Variants in LUZP2 observed in about 807,000 individuals in gnomAD.
The protein encoded by LUZP2 is leucine zipper protein 2.
LUZP2 carries 52 observed loss-of-function variants against 51.6 expected under a neutral mutation model. The ratio of observed to expected loss-of-function variants is 1.01; its 90% CI spans 0.81 to 1.27. LUZP2 has a LOEUF of 1.27. LUZP2 is among the 50% of genes most tolerant of loss of function. The pLI, the probability that LUZP2 is intolerant of heterozygous loss-of-function variation, is 0.00. For missense variants in LUZP2, 436 were observed against 395.4 expected (o/e 1.10, Z -0.87); for synonymous variants, 154 against 137.3 (o/e 1.12, Z -0.85).
chr11:24,679,393 G>T (rs905366377), intron 1 of LUZP2, among the ~76,000 whole-genome samples: 5 of 151,920 alleles, frequency 3.3e-5, no homozygotes, highest in African/African-American at 1.2e-4. Flanking sequence ...AAAAATTTCA[G>T]TATATTTTCT....
At chr11:24,780,481 A>G (rs146825453) in intron 5 of LUZP2, among the ~76,000 whole-genome samples, 1,783 of 152,282 alleles carry the variant, frequency 0.012, 20 homozygotes, top group Non-Finnish European at 0.018. Flanking sequence ...TAATGTATAC[A>G]AGGAGCCAGG....
intron 5 of LUZP2, among the ~76,000 whole-genome samples, chr11:24,872,460 T>C (rs1398121875): frequency 6.6e-6 from 1 of 152,172 alleles, no homozygotes; most frequent in Non-Finnish European, 1.5e-5. Flanking sequence ...AGTGCAACTA[T>C]TAAACCATTC....
At position 24,882,411 on chromosome 11, in the gene LUZP2, C is replaced by T. The variant is rs77819655; in HGVS notation, c.397-23580C>T. On this transcript the variant is annotated intron_variant, in intron 5 of 11. Coordinates refer to ENST00000336930, the MANE Select transcript of LUZP2 (RefSeq NM_001009909.4). ...CTCAACATCCCACACCAAAGAGGTA[C>T]ATGTATTACAATCAATAAACCAACA... is the stretch of plus-strand genomic sequence containing the variant. Among the ~76,000 whole-genome samples, 1,020 of 152,080 alleles carry T rather than the reference C, an allele frequency of 6.7e-3. 15 individuals are homozygous for T. Among genetic ancestry groups the T allele is most frequent in the East Asian group, 0.057 (295 of 5,166 alleles).
chr11:24,637,442 G>A (rs1197763331), intron 1 of LUZP2, among the ~76,000 whole-genome samples: 1 of 151,768 alleles, frequency 6.6e-6, no homozygotes, highest in Non-Finnish European at 1.5e-5. Context: ...CAGAATAACA[G>A]CTATTTTCAG....
chr11:24,609,819 G>A (rs945726713), intron 1 of LUZP2, among the ~76,000 whole-genome samples: 14 of 148,798 alleles, frequency 9.4e-5, no homozygotes, highest in African/African-American at 3.5e-4. Flanking sequence ...ATTCATCAGA[G>A]AACTAAGGAA....
At chr11:24,885,079 G>A (rs1290916843) in intron 5 of LUZP2, among the ~76,000 whole-genome samples, 1 of 152,018 alleles carries the variant, frequency 6.6e-6, no homozygotes, top group Non-Finnish European at 1.5e-5. Context: ...CAGACAGAGA[G>A]ACATATCATC....
intron 5 of LUZP2, among the ~76,000 whole-genome samples, chr11:24,872,123 G>C (rs747567371): frequency 6.6e-6 from 1 of 152,040 alleles, no homozygotes; most frequent in African/African-American, 2.4e-5. Context: ...CCTTGTATGT[G>C]TCAGACACCA....
chr11:24,548,803 A>G (rs572130490), intron 1 of LUZP2, among the ~76,000 whole-genome samples: 59 of 152,190 alleles, frequency 3.9e-4, no homozygotes, highest in African/African-American at 1.4e-3. Context: ...TTTGTAAAAT[A>G]TAGAAACATG....
chr11:24,968,883 T>C (rs1855664758), intron 7 of LUZP2, among the ~76,000 whole-genome samples: 1 of 152,226 alleles, frequency 6.6e-6, no homozygotes, highest in Non-Finnish European at 1.5e-5. Context: ...GTCAGTTTCC[T>C]ATATTTCAAG....
chr11:24,578,762 A>G (rs1310772976), intron 1 of LUZP2, among the ~76,000 whole-genome samples: 1 of 152,090 alleles, frequency 6.6e-6, no homozygotes, highest in Non-Finnish European at 1.5e-5. Flanking sequence ...CAGAAACAAT[A>G]GACTACTAGA....
chr11:24,608,109 A>C (rs1215389210), intron 1 of LUZP2, among the ~76,000 whole-genome samples: 1 of 152,162 alleles, frequency 6.6e-6, no homozygotes, highest in Admixed American at 6.5e-5. Flanking sequence ...TCGGCCTCCT[A>C]AAGTGCTGGG....
chr11:24,707,240 C>G (rs984842745), intron 1 of LUZP2, among the ~76,000 whole-genome samples: 1 of 151,776 alleles, frequency 6.6e-6, no homozygotes, highest in Non-Finnish European at 1.5e-5. Context: ...AGCTTATATT[C>G]AAATCTATTC....
chr11:25,009,541 T>C (rs1159483617), intron 9 of LUZP2, among the ~76,000 whole-genome samples: 1 of 152,170 alleles, frequency 6.6e-6, no homozygotes, highest in East Asian at 1.9e-4. Flanking sequence ...TATCAACTAA[T>C]CTTTATAGCG....
intron 1 of LUZP2, among the ~76,000 whole-genome samples, chr11:24,631,560 G>A (rs774613274): frequency 2.2e-4 from 33 of 151,696 alleles, no homozygotes; most frequent in Non-Finnish European, 4.7e-4. Context: ...GTATCCCTTC[G>A]TTGTAGTGTT....
At chr11:24,762,287 A>G (rs1010654779) in intron 4 of LUZP2, among the ~76,000 whole-genome samples, 20 of 152,188 alleles carry the variant, frequency 1.3e-4, no homozygotes, top group African/African-American at 4.8e-4. Context: ...TGTTCAATGC[A>G]TGAGGCTATT....
At chr11:24,935,081 T>G (rs10466433) in intron 7 of LUZP2, among the ~76,000 whole-genome samples, 90,941 of 152,044 alleles carry the variant, frequency 0.6, 28,170 homozygotes, top group East Asian at 0.83. Flanking sequence ...AAAACAAAGA[T>G]TAATTCTAGA....
At chr11:24,628,480 T>G (rs1324869624) in intron 1 of LUZP2, among the ~76,000 whole-genome samples, 1 of 152,204 alleles carries the variant, frequency 6.6e-6, no homozygotes, top group African/African-American at 2.4e-5. Context: ...TCCCGAGTTA[T>G]GTGCAGTTGA....
chr11:24,690,011 T>A (rs1297673545), intron 1 of LUZP2, among the ~76,000 whole-genome samples: 2 of 152,240 alleles, frequency 1.3e-5, no homozygotes, highest in East Asian at 3.9e-4. Flanking sequence ...CTTATACATG[T>A]ATTTCTCTAT....
chr11:24,858,453 C>A (rs1044009120), intron 5 of LUZP2, among the ~76,000 whole-genome samples: 4 of 152,090 alleles, frequency 2.6e-5, no homozygotes, highest in African/African-American at 9.7e-5. Flanking sequence ...TCTTCTTTCT[C>A]ACTGGGGGAG....
Sources: allele counts gnomAD v4.1 joint callset (sites outside exome capture counted in the v4.1 genomes callset), GRCh38; gene constraint gnomAD v4.1.1; transcripts MANE v1.5; gene names NCBI Gene and HGNC (gene_info 2026-07-23, HGNC 2026-07-21).